The following RGR variants were observed in gnomAD, a reference collection of about 807,000 sequenced individuals.
RGR encodes the protein RPE-retinal G protein-coupled receptor.
RGR carries 30 observed loss-of-function variants against 28.6 expected under a neutral mutation model. That is an observed-to-expected ratio of 1.05 (90% confidence interval 0.78 to 1.42). RGR has a LOEUF of 1.42. Ranked by LOEUF, RGR falls within the 40% of genes most tolerant of loss-of-function variation. RGR has a pLI of 0.00. For synonymous variants in RGR, 180 were observed against 156.4 expected (o/e 1.15, Z -1.13); for missense variants, 404 against 375.6 (o/e 1.08, Z -0.62).
chr10:84,257,765 C>G, intron 5 of RGR, 128 bp from the exon 6 acceptor site: 1 of 744,094 alleles, frequency 1.3e-6, no homozygotes, highest in South Asian at 1.5e-5. Context: ...CCCCTGCAGA[C>G]TCAGCCCCCT....
At chr10:84,251,068 C>T (rs913934744) in intron 3 of RGR, 5 of 152,024 alleles carry the variant, frequency 3.3e-5, no homozygotes, top group African/African-American at 1.2e-4. Flanking sequence ...AACCCCATCT[C>T]TACTAAAAAT....
At chr10:84,258,324 C>A (rs1842913192) in intron 6 of RGR, among the ~76,000 whole-genome samples, 184 bp from the exon 7 acceptor site, 1 of 152,068 alleles carries the variant, frequency 6.6e-6, no homozygotes, top group Admixed American at 6.6e-5. Flanking sequence ...TGGGTCTGGA[C>A]AAGAGTATGG....
intron 5 of RGR, among the ~76,000 whole-genome samples, 183 bp downstream of exon 5, chr10:84,254,626 C>T (rs576464075): frequency 3.3e-5 from 5 of 152,202 alleles, no homozygotes; most frequent in Non-Finnish European, 7.3e-5. Context: ...CCAATCTCTG[C>T]GAAGTGAGAT....
intron 1 of RGR, among the ~76,000 whole-genome samples, chr10:84,246,336 C>T (rs573202253): frequency 1.6e-4 from 24 of 152,192 alleles, no homozygotes; most frequent in African/African-American, 5.3e-4. Flanking sequence ...ACCCAAGTAG[C>T]GTACATTGTG....
At chr10:84,258,165 C>A (rs1259763604) in intron 6 of RGR, among the ~76,000 whole-genome samples, 159 bp downstream of exon 6, 1 of 152,152 alleles carries the variant, frequency 6.6e-6, no homozygotes, top group African/African-American at 2.4e-5. Context: ...AGTTTGCCCC[C>A]CTAATCCCCC....
At chr10:84,248,654 G>A in intron 2 of RGR, 2 of 578,750 alleles carry the variant, frequency 3.5e-6, no homozygotes, top group Non-Finnish European at 6.2e-6. Context: ...GAGCTCTCCT[G>A]TGACAGAGGG....
At chr10:84,250,697 T>G (rs1167569485) in intron 3 of RGR, 5 of 454,558 alleles carry the variant, frequency 1.1e-5, no homozygotes, top group Non-Finnish European at 1.6e-5. Flanking sequence ...TGAGGAGGTC[T>G]GAATTCATCT....
At chr10:84,255,367 T>A (rs905325077) in intron 5 of RGR, 2 of 152,248 alleles carry the variant, frequency 1.3e-5, no homozygotes, top group Non-Finnish European at 2.9e-5. Context: ...TCCGTGCTGT[T>A]CCACTTAACT....
At position 84,258,988 on chromosome 10, in the gene RGR, C is replaced by T. The variant is rs537456701; in HGVS notation, c.*349C>T. On this transcript the variant is annotated 3_prime_UTR_variant, in exon 7 of 7. Coordinates refer to ENST00000652092, the MANE Select transcript of RGR (RefSeq NM_001012720.2). ...GTGTAACCATCACCCTAATAATATACGTTGTACCCATTAAGTTATTTCTCA... is the reference window on the plus strand; with the variant it reads ...GTGTAACCATCACCCTAATAATATATGTTGTACCCATTAAGTTATTTCTCA... 1.5e-5 allele frequency: 5 copies of T among 341,078 alleles called. No individual in the cohort carries two copies. In the Admixed American group the frequency reaches 1.6e-4, roughly 11 times the overall value. 21.1% of individuals were successfully genotyped at this position (341,078 alleles called of 1,614,324 possible).
At chr10:84,253,467 G>A (rs1241278075) in intron 4 of RGR, among the ~76,000 whole-genome samples, 1 of 152,178 alleles carries the variant, frequency 6.6e-6, no homozygotes, top group Non-Finnish European at 1.5e-5. Flanking sequence ...GCAATCCCTG[G>A]AGAAATAGGA....
At position 84,258,886 on chromosome 10, in the gene RGR, ATAAT is replaced by A. The variant is rs1842922147; in HGVS notation, c.*248_*251del. Reference sequence around the variant, plus strand: ...TCAGGAAAGTCATTCCTTTTTAAAAATAATAATAAATGTAAGGGGGTACAGTGCA... The same window carrying A: ...TCAGGAAAGTCATTCCTTTTTAAAAAAATAAATGTAAGGGGGTACAGTGCA... On this transcript the variant is annotated 3_prime_UTR_variant, in exon 7 of 7. Coordinates refer to ENST00000652092, the MANE Select transcript of RGR (RefSeq NM_001012720.2). 1 of 519,310 alleles carries A rather than the reference ATAAT, an allele frequency of 1.9e-6. No individual in the cohort carries two copies. The highest frequency in any genetic ancestry group is 3.5e-6 in the Non-Finnish European group (1 of 287,674). The allele number at this position is 519,310 out of a possible 1,614,324, so 32.2% of individuals were successfully genotyped here.
chr10:84,252,748 TG>T, intron 3 of RGR, 108 bp from the exon 4 acceptor site: 1 of 1,382,242 alleles, frequency 7.2e-7, no homozygotes, highest in Non-Finnish European at 1.0e-6. Context: ...AGACTGAGGC[TG>T]GTGGATCACT....
chr10:84,253,460 A>G (rs2132885115), intron 4 of RGR, among the ~76,000 whole-genome samples: 1 of 152,274 alleles, frequency 6.6e-6, no homozygotes, highest in African/African-American at 2.4e-5. Flanking sequence ...CTATGAGGCA[A>G]TCCCTGGAGA....
chr10:84,249,421 TTTTG>T (rs1460693335), intron 3 of RGR, among the ~76,000 whole-genome samples: 1 of 152,226 alleles, frequency 6.6e-6, no homozygotes, highest in Non-Finnish European at 1.5e-5. Context: ...CAAGTGATTC[TTTTG>T]CCTCAGCCTC....
At chr10:84,245,786 C>T (rs1257992891) in intron 1 of RGR, among the ~76,000 whole-genome samples, 2 of 152,212 alleles carry the variant, frequency 1.3e-5, no homozygotes, top group Non-Finnish European at 2.9e-5. Flanking sequence ...AAGCACTTCA[C>T]CTCTGGAGGC....
At chr10:84,254,777 T>G (rs148241525) in intron 5 of RGR, among the ~76,000 whole-genome samples, 38 of 152,348 alleles carry the variant, frequency 2.5e-4, no homozygotes, top group African/African-American at 9.1e-4. Context: ...TGTGCTTGCC[T>G]GTCACCTCCA....
At chr10:84,257,007 A>T (rs180781887) in intron 5 of RGR, among the ~76,000 whole-genome samples, 2 of 151,028 alleles carry the variant, frequency 1.3e-5, no homozygotes, top group East Asian at 3.9e-4. Context: ...CAAATAAGGG[A>T]CAGTTAAGAG....
intron 5 of RGR, among the ~76,000 whole-genome samples, chr10:84,256,715 C>T (rs1056186606): frequency 2.0e-5 from 3 of 152,164 alleles, no homozygotes; most frequent in Non-Finnish European, 4.4e-5. Flanking sequence ...CGATGCCGGT[C>T]CCAAGCCCTG....
rs367784342 is a variant in RGR at position 84,258,677 on chromosome 10, G to A, written c.*38G>A. The stretch of plus-strand genomic sequence containing the variant: ...GGAGTGAGCCCCAGGCCAGGAGGCT[G>A]TTCCAGGAGTCCTGCCCAGCAGCCT... On this transcript the variant is annotated 3_prime_UTR_variant, in exon 7 of 7. Transcript: ENST00000652092. 1.4e-4 allele frequency: 218 copies of A among 1,613,210 alleles called. No homozygotes were observed. The African/African-American group carries it at 2.6e-3, about 19-fold the overall frequency.
Sources: gnomAD v4.1 joint callset for allele counts (sites outside exome capture counted in the v4.1 genomes callset) on GRCh38, gnomAD v4.1.1 for gene constraint, MANE v1.5 for transcripts, NCBI Gene and HGNC (gene_info 2026-07-23, HGNC 2026-07-21) for gene names.